Variants in SASH1 observed in about 807,000 individuals in gnomAD.
SASH1 encodes the protein SAM and SH3 domain containing 1, also known as SAM and SH3 domain-containing protein 1.
A neutral mutation model predicts 125.2 loss-of-function variants in SASH1; 44 were observed. The ratio of observed to expected loss-of-function variants is 0.35; its 90% CI spans 0.28 to 0.45. SASH1 has a LOEUF of 0.45. Ranked by LOEUF, SASH1 falls within the 20% of genes least tolerant of loss-of-function variation. The pLI is 1.00. For missense variants in SASH1, 1,426 were observed against 1,614.5 expected (o/e 0.88, Z 2.00); for synonymous variants, 639 against 649.1 (o/e 0.98, Z 0.24).
intron 1 of SASH1, among the ~76,000 whole-genome samples, chr6:148,284,885 C>A (rs1008572858): frequency 2.6e-5 from 4 of 152,168 alleles, no homozygotes; most frequent in Admixed American, 6.5e-5. Flanking sequence ...CACTTCTTGG[C>A]CAAAGGGTAT....
chr6:148,525,395 A>G (rs1423682736), intron 11 of SASH1, 30 bp downstream of exon 11: 2 of 1,523,676 alleles, frequency 1.3e-6, no homozygotes, highest in Non-Finnish European at 1.8e-6. Flanking sequence ...AGCAAAAAAT[A>G]TGGATTCAGG....
In SASH1 at chr6:148,323,362, A is replaced by G. The variant is rs530700673; in HGVS notation, n.74+50985A>G. 9.8e-5 allele frequency among the ~76,000 whole-genome samples: 15 copies of G among 152,318 alleles called. No homozygotes were observed. The South Asian group carries it at 2.9e-3, about 29-fold the overall frequency. On this transcript the variant is annotated intron_variant and non_coding_transcript_variant, in intron 1 of 3. Transcript: ENST00000367469. ...TAAACATACCTGAGTCCCATCTCCA[A>G]TGATTCTGACATAGTTCTAGCTAGG...
At chr6:148,540,614 A>G in intron 17 of SASH1, 58 bp downstream of exon 17, 2 of 1,284,054 alleles carry the variant, frequency 1.6e-6, no homozygotes, top group East Asian at 2.4e-5. Context: ...TTCAAAGCAC[A>G]GTTTTCTGCA....
intron 1 of SASH1, among the ~76,000 whole-genome samples, chr6:148,291,147 T>C (rs1779623178): frequency 6.6e-6 from 1 of 152,052 alleles, no homozygotes; most frequent in African/African-American, 2.4e-5. Flanking sequence ...AAATCAGCCA[T>C]GGCCACAAGT....
At chr6:148,378,003 T>C (rs1782978112) in intron 1 of SASH1, among the ~76,000 whole-genome samples, 1 of 151,926 alleles carries the variant, frequency 6.6e-6, no homozygotes, top group African/African-American at 2.4e-5. Context: ...AGAGAAGGGT[T>C]CAGATGCCAA....
intron 8 of SASH1, among the ~76,000 whole-genome samples, chr6:148,501,021 A>T (rs1779537699): frequency 6.6e-6 from 1 of 152,110 alleles, no homozygotes; most frequent in East Asian, 1.9e-4. Context: ...CTGCAAACAG[A>T]AGGAGATTAA....
At chr6:148,491,426 C>T (rs76946093) in intron 8 of SASH1, among the ~76,000 whole-genome samples, 1,648 of 152,206 alleles carry the variant, frequency 0.011, 25 homozygotes, top group African/African-American at 0.037. Context: ...TGCGCCACGA[C>T]GCCAAGCTAA....
At chr6:148,246,907 A>G in the SASH1 span, among the ~76,000 whole-genome samples, 1 of 152,202 alleles carries the variant, frequency 6.6e-6, no homozygotes, top group East Asian at 1.9e-4. Context: ...TCCTTAACCT[A>G]TGCTATGTAC....
rs199805876 is a variant in SASH1 at position 148,525,375 on chromosome 6, A to G, written c.1284+10A>G. 1.3e-4 allele frequency: 208 copies of G among 1,609,426 alleles called. No homozygotes were observed. Among genetic ancestry groups the G allele is most frequent in the Admixed American group, 8.3e-5 (5 of 60,006 alleles). ...TAATTCTGACCCAATGGTGAGTAAC[A>G]TCAGAGGAAAGCAAAAAATATGGAT... On this transcript the variant is annotated intron_variant, in intron 11 of 19. Coordinates refer to ENST00000367467, the MANE Select transcript of SASH1 (RefSeq NM_015278.5).
At chr6:148,215,007 G>A in the SASH1 span, among the ~76,000 whole-genome samples, 3,898 of 152,152 alleles carry the variant, frequency 0.026, 89 homozygotes, top group Non-Finnish European at 0.038. Context: ...ACATTCTGAG[G>A]AGTCTGGCGG....
intron 1 of SASH1, among the ~76,000 whole-genome samples, chr6:148,275,140 G>C (rs1297925005): frequency 6.6e-6 from 1 of 152,196 alleles, no homozygotes; most frequent in Non-Finnish European, 1.5e-5. Context: ...CTAAAATACA[G>C]AGAATCTGCT....
intron 1 of SASH1, among the ~76,000 whole-genome samples, chr6:148,308,847 G>T (rs996475682): frequency 1.3e-5 from 2 of 151,050 alleles, no homozygotes; most frequent in Non-Finnish European, 3.0e-5. Context: ...ACTTTGGGAG[G>T]CCGAGGTGGG....
chr6:148,356,033 T>C (rs1781918875), intron 1 of SASH1, among the ~76,000 whole-genome samples: 1 of 151,608 alleles, frequency 6.6e-6, no homozygotes, highest in African/African-American at 2.4e-5. Context: ...TCTTCCACGC[T>C]TCCCCCCAAG....
intron 8 of SASH1, among the ~76,000 whole-genome samples, chr6:148,509,503 G>C (rs969171100): frequency 6.6e-6 from 1 of 152,200 alleles, no homozygotes; most frequent in Non-Finnish European, 1.5e-5. Context: ...CTTCTGCAGA[G>C]GGCACAGTTG....
At chr6:148,263,367 A>G in the SASH1 span, among the ~76,000 whole-genome samples, 1 of 152,212 alleles carries the variant, frequency 6.6e-6, no homozygotes, top group African/African-American at 2.4e-5. Context: ...CTGAGCTAGA[A>G]CAGCATTTTG....
At chr6:148,523,540 G>A (rs1343898117) in intron 10 of SASH1, among the ~76,000 whole-genome samples, 1 of 151,678 alleles carries the variant, frequency 6.6e-6, no homozygotes, top group African/African-American at 2.4e-5. Flanking sequence ...ATGTCTATTA[G>A]AAAACAAGTC....
intron 1 of SASH1, among the ~76,000 whole-genome samples, chr6:148,324,122 A>AAAAAAAAC: frequency 6.7e-6 from 1 of 148,738 alleles, no homozygotes; most frequent in African/African-American, 2.5e-5. Flanking sequence ...CTGTCTCAAA[A>AAAAAAAAC]AAAAAAAAAA....
the SASH1 span, among the ~76,000 whole-genome samples, chr6:148,207,708 A>G: frequency 2.2e-4 from 34 of 152,324 alleles, no homozygotes; most frequent in African/African-American, 7.7e-4. Context: ...AAGAATACCC[A>G]ACATCTAAAC....
intron 4 of SASH1, among the ~76,000 whole-genome samples, chr6:148,449,084 T>TTTTTTTTTTTC (rs1776961479): frequency 2.6e-4 from 11 of 42,728 alleles, no homozygotes; most frequent in African/African-American, 5.8e-4. Flanking sequence ...ATTTCTTTTT[T>TTTTTTTTTTTC]TTTTTTTTTG....
Sources: allele counts gnomAD v4.1 joint callset (sites outside exome capture counted in the v4.1 genomes callset), GRCh38; gene constraint gnomAD v4.1.1; transcripts MANE v1.5; gene names NCBI Gene and HGNC (gene_info 2026-07-23, HGNC 2026-07-21).